The following PTK2 variants were observed in gnomAD, a reference collection of about 807,000 sequenced individuals.
The protein encoded by PTK2 is protein tyrosine kinase 2.
A neutral mutation model predicts 150.1 loss-of-function variants in PTK2; 45 were observed. That is an observed-to-expected ratio of 0.30 (90% CI 0.24 to 0.38). The LOEUF (loss-of-function observed/expected upper bound fraction) is 0.38. PTK2 is among the 10% of genes least tolerant of loss of function. PTK2 has a pLI of 1.00. For missense variants in PTK2, 919 were observed against 1,307.3 expected (o/e 0.70, Z 4.58); for synonymous variants, 432 against 449.2 (o/e 0.96, Z 0.48).
In PTK2 at chr8:140,663,993, A is replaced by AT. The variant is rs538047839; in HGVS notation, c.2946+923dup. 1.9e-3 allele frequency among the ~76,000 whole-genome samples: 279 copies of AT among 149,912 alleles called. 3 individuals carry two copies. The East Asian group carries it at 0.031, about 17-fold the overall frequency. On this transcript the variant is annotated intron_variant, in intron 31 of 31. Transcript: ENST00000522684. ...TAAAGACATTCATTAATTTAAAATG[A>AT]TTTTTTTTTTCAGATGGAGTCTCAC...
chr8:140,819,047 T>C (rs868024404), intron 8 of PTK2, 27 bp from the exon 9 acceptor site: 18 of 1,607,028 alleles, frequency 1.1e-5, no homozygotes, highest in Middle Eastern at 3.4e-4. Flanking sequence ...CCAAAACATC[T>C]TGTAAAAATC....
intron 5 of PTK2, among the ~76,000 whole-genome samples, chr8:140,851,892 A>G (rs1361190990): frequency 4.6e-5 from 7 of 151,528 alleles, no homozygotes. Flanking sequence ...AAATGAATCT[A>G]ACTGCATAGC....
At chr8:140,733,825 T>C (rs2100050979) in intron 22 of PTK2, among the ~76,000 whole-genome samples, 1 of 152,162 alleles carries the variant, frequency 6.6e-6, no homozygotes, top group African/African-American at 2.4e-5. Context: ...GGCCGGTGTG[T>C]GAGAGTTATG....
chr8:140,932,006 T>C (rs931362738), intron 1 of PTK2, among the ~76,000 whole-genome samples: 2 of 151,634 alleles, frequency 1.3e-5, no homozygotes, highest in African/African-American at 4.9e-5. Flanking sequence ...GGTGACTCTT[T>C]AGATATTATG....
chr8:140,739,203 T>A, intron 20 of PTK2, 96 bp from the exon 24 acceptor site: 2 of 770,132 alleles, frequency 2.6e-6, no homozygotes, highest in Non-Finnish European at 1.9e-6. Context: ...GAAAAAGCTT[T>A]AACTATTTGA....
At chr8:140,834,295 A>G (rs1020768190) in intron 7 of PTK2, among the ~76,000 whole-genome samples, 4 of 152,184 alleles carry the variant, frequency 2.6e-5, no homozygotes, top group African/African-American at 9.7e-5. Flanking sequence ...ACAACCACTC[A>G]AGGTTCTTGC....
chr8:140,936,073 G>A (rs2100173515), intron 1 of PTK2, among the ~76,000 whole-genome samples: 1 of 152,134 alleles, frequency 6.6e-6, no homozygotes, highest in African/African-American at 2.4e-5. Flanking sequence ...CTACTCAGGA[G>A]GCTGAGACAG....
At chr8:140,715,373 T>C (rs1033730792) in intron 23 of PTK2, among the ~76,000 whole-genome samples, 1 of 151,926 alleles carries the variant, frequency 6.6e-6, no homozygotes, top group Non-Finnish European at 1.5e-5. Context: ...GGTTTCACCA[T>C]GTTGGCCAGG....
chr8:140,664,687 C>A (rs1006247665), intron 31 of PTK2, among the ~76,000 whole-genome samples: 10 of 152,188 alleles, frequency 6.6e-5, no homozygotes, highest in Non-Finnish European at 2.9e-5. Flanking sequence ...AGCAGGAAGA[C>A]CCAGGATCTG....
At chr8:140,668,496 GA>G in intron 29 of PTK2, 72 bp from the exon 34 acceptor site, 2 of 1,503,422 alleles carry the variant, frequency 1.3e-6, no homozygotes, top group Non-Finnish European at 1.8e-6. Context: ...TCAAGCTAGA[GA>G]GGGTCTTTAC....
chr8:140,959,206 C>T (rs964360870), intron 1 of PTK2, among the ~76,000 whole-genome samples: 4 of 151,670 alleles, frequency 2.6e-5, no homozygotes, highest in African/African-American at 9.7e-5. Context: ...TAATTTTTTA[C>T]CTGAATGTGG....
chr8:140,956,561 T>C (rs971285314), intron 1 of PTK2, among the ~76,000 whole-genome samples: 1 of 152,286 alleles, frequency 6.6e-6, no homozygotes, highest in South Asian at 2.1e-4. Flanking sequence ...AAAGGACAAC[T>C]GTAAAACAGC....
At chr8:140,880,721 G>T (rs1053638967) in intron 3 of PTK2, among the ~76,000 whole-genome samples, 2 of 152,258 alleles carry the variant, frequency 1.3e-5, no homozygotes, top group South Asian at 2.1e-4. Context: ...CAATGCTGCT[G>T]ATCATGATAA....
At chr8:140,712,827 T>C (rs928868811) in intron 23 of PTK2, among the ~76,000 whole-genome samples, 1 of 152,236 alleles carries the variant, frequency 6.6e-6, no homozygotes, top group Admixed American at 6.5e-5. Context: ...TAATTTTTGC[T>C]TGAAAACTCG....
At chr8:140,897,463 A>G (rs1485191322) in intron 2 of PTK2, among the ~76,000 whole-genome samples, 1 of 152,198 alleles carries the variant, frequency 6.6e-6, no homozygotes, top group East Asian at 1.9e-4. Context: ...AATATGCAAT[A>G]TATTTGCCAT....
At chr8:140,714,183 C>G (rs111985299) in intron 23 of PTK2, among the ~76,000 whole-genome samples, 143 of 152,274 alleles carry the variant, frequency 9.4e-4, no homozygotes, top group African/African-American at 3.3e-3. Flanking sequence ...TCACCACACC[C>G]GGCCTGTAAG....
intron 1 of PTK2, among the ~76,000 whole-genome samples, chr8:140,985,401 A>G (rs541951542): frequency 6.6e-6 from 1 of 152,294 alleles, no homozygotes; most frequent in African/African-American, 2.4e-5. Context: ...CTCGAATTAC[A>G]GGCATTGAGT....
intron 1 of PTK2, among the ~76,000 whole-genome samples, chr8:140,938,508 TA>T (rs2100174503): frequency 6.6e-6 from 1 of 152,174 alleles, no homozygotes; most frequent in Admixed American, 6.5e-5. Flanking sequence ...GTTTCCCCAA[TA>T]AATGCTCTAG....
At chr8:140,833,529 C>T (rs2100116794) in intron 7 of PTK2, among the ~76,000 whole-genome samples, 1 of 152,180 alleles carries the variant, frequency 6.6e-6, no homozygotes, top group Admixed American at 6.5e-5. Flanking sequence ...TAGGCTGTCC[C>T]ATTTTTAATA....
Sources: gnomAD v4.1 joint callset for allele counts (sites outside exome capture counted in the v4.1 genomes callset) on GRCh38, gnomAD v4.1.1 for gene constraint, MANE v1.5 for transcripts, NCBI Gene and HGNC (gene_info 2026-07-23, HGNC 2026-07-21) for gene names.